The following CACNA1H variants were observed in gnomAD, a reference collection of about 807,000 sequenced individuals.
The protein encoded by CACNA1H is voltage-dependent T-type calcium channel subunit alpha-1H.
Under a neutral mutation model 192.5 loss-of-function variants are expected in CACNA1H, and 149 were observed. The observed-to-expected ratio is 0.77, with a 90% confidence interval of 0.68 to 0.89. CACNA1H has a LOEUF of 0.89. Among genes scored for constraint, CACNA1H ranks in the 40% least tolerant of loss-of-function variants. The pLI, the probability that CACNA1H is intolerant of heterozygous loss-of-function variation, is 0.00. For missense variants in CACNA1H, 4,257 were observed against 3,423.5 expected (o/e 1.24, Z -6.08); for synonymous variants, 2,202 against 1,475.2 (o/e 1.49, Z -11.29).
At chr16:1,188,525 C>T (rs1300391207) in intron 2 of CACNA1H, among the ~76,000 whole-genome samples, 3 of 151,908 alleles carry the variant, frequency 2.0e-5, no homozygotes, top group Non-Finnish European at 4.4e-5. Flanking sequence ...CCAGGGTTCC[C>T]GCCACTCGCA....
chr16:1,191,135 GTCTC>G, intron 2 of CACNA1H, among the ~76,000 whole-genome samples: 1 of 103,950 alleles, frequency 9.6e-6, no homozygotes, highest in East Asian at 3.7e-4. Flanking sequence ...CACACTCGGG[GTCTC>G]TCTGACTCAG....
rs866288176 is a variant in CACNA1H at position 1,220,120 on chromosome 16, G to A, written c.6188G>A (p.Arg2063Gln). 2.7e-6 allele frequency: 4 copies of A among 1,489,564 alleles called. No individual in the cohort carries two copies. Among genetic ancestry groups the A allele is most frequent in the East Asian group, 2.6e-5 (1 of 38,672 alleles). 92.3% of individuals were successfully genotyped at this position (1,489,564 alleles called of 1,614,324 possible). ...GSLQSPPRSP[R>Q]PASVRTRKHT... ...CTGCAGTCCCCACCACGCTCCCCACGGCCCGCCAGCGTCCGCACTCGTAAG... is the reference window on the plus strand; with the variant it reads ...CTGCAGTCCCCACCACGCTCCCCACAGCCCGCCAGCGTCCGCACTCGTAAG... Residue 2063 changes from arginine (R) to glutamine (Q), a missense_variant, in exon 35 of 35, where the codon CGG becomes CAG. Physicochemically the swap from Arg to Gln is conservative, Grantham distance 43. Transcript: ENST00000348261.
chr16:1,195,826 C>G (rs1966897449), intron 4 of CACNA1H, 100 bp from the exon 5 acceptor site: 6 of 1,020,650 alleles, frequency 5.9e-6, no homozygotes, highest in Non-Finnish European at 9.3e-6. Context: ...GGGTGCCGGG[C>G]TGGCCGGTTC....
intron 20 of CACNA1H, 37 bp from the exon 21 acceptor site, chr16:1,210,750 G>C: frequency 6.3e-7 from 1 of 1,578,038 alleles, no homozygotes; most frequent in Non-Finnish European, 8.6e-7. Context: ...GACCCCCCAC[G>C]CCTGAGCCTG....
chr16:1,173,482 T>C (rs1293353737), intron 2 of CACNA1H, among the ~76,000 whole-genome samples: 4 of 152,268 alleles, frequency 2.6e-5, no homozygotes, highest in Non-Finnish European at 5.9e-5. Flanking sequence ...ACTTTTTTAG[T>C]ATTTAACATG....
intron 2 of CACNA1H, among the ~76,000 whole-genome samples, chr16:1,172,792 G>A (rs1214723393): frequency 1.3e-5 from 2 of 152,080 alleles, no homozygotes; most frequent in South Asian, 2.1e-4. Flanking sequence ...GGGTGCCCCC[G>A]AGGGCTCCTG....
intron 16 of CACNA1H, among the ~76,000 whole-genome samples, chr16:1,208,798 CT>C (rs777488608): frequency 6.6e-6 from 1 of 152,182 alleles, no homozygotes; most frequent in South Asian, 2.1e-4. Context: ...GTTCTGGCCC[CT>C]GACCCAGCAG....
chr16:1,207,641 G>C, intron 14 of CACNA1H, 129 bp from the exon 15 acceptor site: 1 of 946,864 alleles, frequency 1.1e-6, no homozygotes, highest in Non-Finnish European at 1.6e-6. Flanking sequence ...GCCCACCCTG[G>C]CAGTGACATC....
intron 12 of CACNA1H, 155 bp downstream of exon 12, chr16:1,206,444 G>T: frequency 1.5e-6 from 1 of 683,224 alleles, no homozygotes; most frequent in Admixed American, 2.8e-5. Flanking sequence ...CATTTGAGAA[G>T]CACTGATTGG....
At chr16:1,160,474 A>G (rs1345032898) in intron 2 of CACNA1H, among the ~76,000 whole-genome samples, 1 of 152,160 alleles carries the variant, frequency 6.6e-6, no homozygotes, top group African/African-American at 2.4e-5. Flanking sequence ...GCTGGCTCTC[A>G]GCCCCTGCCC....
intron 2 of CACNA1H, among the ~76,000 whole-genome samples, chr16:1,155,241 C>T (rs971622955): frequency 9.9e-5 from 15 of 152,198 alleles, no homozygotes; most frequent in Admixed American, 3.3e-4. Context: ...CGGGGGCAGC[C>T]GGCCCCGGCC....
intron 2 of CACNA1H, among the ~76,000 whole-genome samples, chr16:1,160,877 A>G (rs938804959): frequency 6.6e-6 from 1 of 151,782 alleles, no homozygotes; most frequent in Non-Finnish European, 1.5e-5. Context: ...ACGCCAGAGC[A>G]CCCCATCCTC....
At chr16:1,213,023 G>A (rs371970063) in intron 26 of CACNA1H, among the ~76,000 whole-genome samples, 47 of 152,344 alleles carry the variant, frequency 3.1e-4, no homozygotes, top group African/African-American at 1.0e-3. Flanking sequence ...GGCAGCTCAC[G>A]CCTTCACCCG....
At chr16:1,192,072 G>A (rs1193480145) in intron 2 of CACNA1H, among the ~76,000 whole-genome samples, 5 of 152,248 alleles carry the variant, frequency 3.3e-5, no homozygotes, top group African/African-American at 1.2e-4. Context: ...TGATTTTGGC[G>A]GAGGGGGATG....
At chr16:1,169,265 G>A (rs934533910) in intron 2 of CACNA1H, among the ~76,000 whole-genome samples, 5 of 152,242 alleles carry the variant, frequency 3.3e-5, no homozygotes, top group East Asian at 1.9e-4. Context: ...CACTGTGGGC[G>A]GCACCGTCGC....
At position 1,209,250 on chromosome 16, in the gene CACNA1H, G is replaced by A. The variant is rs765311471; in HGVS notation, c.3582G>A (p.Arg1194=). The A allele has an allele frequency of 5.8e-6, 9 of 1,544,626 alleles. No individual in the cohort carries two copies. In the African/African-American group the frequency reaches 9.6e-5, roughly 17 times the overall value. ...AAPGPRATPL[R]RAESLDPRPL... is the part of the protein sequence containing the mutation. Reference sequence around the variant, plus strand: ...CCGGGCCCCGTGCCACCCCACTGCGGCGGGCCGAGTCCCTGGACCCACGGC... The same window carrying A: ...CCGGGCCCCGTGCCACCCCACTGCGACGGGCCGAGTCCCTGGACCCACGGC... The change falls in exon 17 of 35, where the codon CGG becomes CGA. Residue 1194 remains arginine, a synonymous_variant. Transcript: ENST00000348261.
At chr16:1,197,140 C>T (rs544350300) in intron 5 of CACNA1H, among the ~76,000 whole-genome samples, 30 of 152,356 alleles carry the variant, frequency 2.0e-4, no homozygotes, top group Non-Finnish European at 2.9e-5. Context: ...CTGCCTTCCA[C>T]CTGCCTGCCT....
chr16:1,179,648 T>C (rs2151749485), intron 2 of CACNA1H, among the ~76,000 whole-genome samples: 1 of 151,946 alleles, frequency 6.6e-6, no homozygotes, highest in Non-Finnish European at 1.5e-5. Flanking sequence ...AGGCTGGTCT[T>C]GAACTCCTGA....
chr16:1,156,439 G>T (rs1222980344), intron 2 of CACNA1H, among the ~76,000 whole-genome samples: 1 of 152,234 alleles, frequency 6.6e-6, no homozygotes, highest in Non-Finnish European at 1.5e-5. Context: ...CAGGTGGGGG[G>T]ATTGGCTGAG....
Sources: gnomAD v4.1 joint callset for allele counts (sites outside exome capture counted in the v4.1 genomes callset) on GRCh38, gnomAD v4.1.1 for gene constraint, MANE v1.5 for transcripts, NCBI Gene and HGNC (gene_info 2026-07-23, HGNC 2026-07-21) for gene names.